Variants in TPP2 observed in about 807,000 individuals in gnomAD.
TPP2 encodes tripeptidyl peptidase 2.
In TPP2, 34 loss-of-function variants were observed where a neutral mutation model predicts 155.9. That is an observed-to-expected ratio of 0.22 (90% CI 0.17 to 0.29). The LOEUF (loss-of-function observed/expected upper bound fraction) is 0.29, where lower values mean the gene tolerates loss of function less well. TPP2 is among the 10% of genes least tolerant of loss of function. The pLI is 1.00. For missense variants in TPP2, 1,028 were observed against 1,522.3 expected, an observed-to-expected ratio of 0.68 and a Z score of 5.40; for synonymous variants, 510 against 529.4, an observed-to-expected ratio of 0.96 and a Z score of 0.50.
intron 6 of TPP2, among the ~76,000 whole-genome samples, chr13:102,623,736 A>G (rs1373060229): frequency 6.6e-6 from 1 of 152,154 alleles, no homozygotes; most frequent in Non-Finnish European, 1.5e-5. Flanking sequence ...AAAAAAATAT[A>G]TTTTTTAAAC....
chr13:102,597,745 G>A (rs188593274), intron 1 of TPP2, among the ~76,000 whole-genome samples: 132 of 152,372 alleles, frequency 8.7e-4, no homozygotes, highest in African/African-American at 3.0e-3. Flanking sequence ...GGGAGATTTG[G>A]TTTGGGGAAG....
chr13:102,603,302 T>G (rs978170712), intron 1 of TPP2, among the ~76,000 whole-genome samples: 4 of 152,208 alleles, frequency 2.6e-5, no homozygotes, highest in Non-Finnish European at 5.9e-5. Flanking sequence ...TCTATTCTAA[T>G]AGGGGGAACA....
chr13:102,646,734 C>T (rs1883129463), intron 20 of TPP2, among the ~76,000 whole-genome samples: 2 of 152,026 alleles, frequency 1.3e-5, no homozygotes, highest in African/African-American at 2.4e-5. Context: ...TTGCTTTCTG[C>T]GAAGAAGGCA....
chr13:102,670,844 A>G (rs766946160), intron 27 of TPP2, among the ~76,000 whole-genome samples: 11 of 152,210 alleles, frequency 7.2e-5, no homozygotes, highest in Non-Finnish European at 1.0e-4. Flanking sequence ...TGTATCCACG[A>G]TATTTCTAAG....
At chr13:102,623,328 C>T (rs924933498) in intron 6 of TPP2, among the ~76,000 whole-genome samples, 4 of 152,146 alleles carry the variant, frequency 2.6e-5, no homozygotes, top group Admixed American at 6.5e-5. Flanking sequence ...CCTTGGGAGG[C>T]CGAGGTGTGT....
chr13:102,601,235 A>T (rs1193592919), intron 1 of TPP2, among the ~76,000 whole-genome samples: 1 of 152,226 alleles, frequency 6.6e-6, no homozygotes, highest in African/African-American at 2.4e-5. Flanking sequence ...TTCTTAGAAT[A>T]AAAGTCACTG....
intron 13 of TPP2, 67 bp from the exon 14 acceptor site, chr13:102,637,015 G>A: frequency 6.7e-7 from 1 of 1,496,598 alleles, no homozygotes; most frequent in African/African-American, 1.4e-5. Flanking sequence ...TTGGAAAGAT[G>A]TAACATTTTT....
At position 102,604,919 on chromosome 13, in the gene TPP2, A is replaced by G. The variant is rs776843093; in HGVS notation, c.292A>G (p.Lys98Glu). The G allele has an allele frequency of 8.1e-6, 13 of 1,609,420 alleles. No individual in the cohort carries two copies. In the South Asian group the frequency reaches 1.1e-4, roughly 14 times the overall value. Residue 98 changes from lysine to glutamate, a missense_variant and splice_region_variant, in exon 2 of 30, where the codon AAG becomes GAG. Lys to Glu is a moderately conservative substitution (Grantham distance 56). Transcript: ENST00000376052. Reference protein sequence around the residue: ...EIVGLSGRVLKIPASWTNPSG... With the variant: ...EIVGLSGRVLEIPASWTNPSG... ...TGTTGGCCTTTCAGGAAGAGTGCTT[A>G]AGGTGAGACCTTTTGTCTTCTTTTT...
rs1321196784 is a variant in TPP2, at chr13:102,627,133, C to T, written c.906C>T (p.Ser302=). The T allele has an allele frequency of 2.5e-6, 4 of 1,604,894 alleles. No individual in the cohort carries two copies. Among genetic ancestry groups the T allele is most frequent in the African/African-American group, 2.7e-5 (2 of 74,518 alleles). The change falls in exon 7 of 30, where the codon AGC becomes AGT. Residue 302 remains serine (S), a synonymous_variant. Coordinates refer to ENST00000376052, the MANE Select transcript of TPP2 (RefSeq NM_001330588.2). ...LSIKIGDTRL[S]TMETGTGLIR... is the part of the protein sequence containing the mutation. ...TCAAGATTGGTGATACAAGACTAAG[C>T]ACAATGGAAACAGGCACAGGCCTCA...
intron 2 of TPP2, chr13:102,607,605 G>T: frequency 2.3e-6 from 1 of 425,892 alleles, no homozygotes; most frequent in Non-Finnish European, 4.7e-6. Flanking sequence ...TATTAATTTT[G>T]AGATGGAGTC....
intron 25 of TPP2, among the ~76,000 whole-genome samples, 169 bp from the exon 26 acceptor site, chr13:102,663,479 T>C (rs980456743): frequency 1.9e-4 from 29 of 152,240 alleles, no homozygotes; most frequent in Non-Finnish European, 3.2e-4. Context: ...TAGTTAACCA[T>C]TTATACTACT....
intron 15 of TPP2, among the ~76,000 whole-genome samples, chr13:102,639,737 C>A (rs1244783853): frequency 6.6e-6 from 1 of 152,174 alleles, no homozygotes; most frequent in Non-Finnish European, 1.5e-5. Flanking sequence ...AAATTTGTTT[C>A]CGTGGTGGGT....
At chr13:102,671,150 A>G (rs1884956779) in intron 27 of TPP2, among the ~76,000 whole-genome samples, 1 of 152,188 alleles carries the variant, frequency 6.6e-6, no homozygotes, top group South Asian at 2.1e-4. Flanking sequence ...CTGTTCTGCA[A>G]GGGGAATAGT....
At chr13:102,664,772 A>G (rs754116286) in intron 26 of TPP2, 23 bp from the exon 27 acceptor site, 10 of 1,605,840 alleles carry the variant, frequency 6.2e-6, no homozygotes, top group African/African-American at 1.3e-5. Flanking sequence ...CCTATTTTTT[A>G]TTATTTCTTT....
intron 21 of TPP2, among the ~76,000 whole-genome samples, chr13:102,648,433 TGTGTGTGTGTGTGTG>T (rs1883276483): frequency 2.6e-5 from 1 of 37,974 alleles, no homozygotes; most frequent in African/African-American, 1.6e-4. Flanking sequence ...GTTACACGTG[TGTGTGTGTGTGTGTG>T]TGTGTGTGTG....
At chr13:102,676,493 A>G (rs538313551) in intron 29 of TPP2, 78 bp downstream of exon 29, 1 of 1,532,112 alleles carries the variant, frequency 6.5e-7, no homozygotes, top group Non-Finnish European at 8.9e-7. Flanking sequence ...AAGGATTAGG[A>G]CTGTGATATA....
intron 17 of TPP2, among the ~76,000 whole-genome samples, 176 bp from the exon 18 acceptor site, chr13:102,644,381 A>G (rs1051898812): frequency 7.9e-5 from 12 of 152,228 alleles, no homozygotes; most frequent in African/African-American, 2.9e-4. Context: ...AATACACCAT[A>G]TCTCTGCAAA....
chr13:102,678,369 T>C lies in TPP2; in HGVS notation c.*53T>C. ...AAAAGGAAGTTTTATAGTGAATGGG[T>C]ATAAAAACAAATTTGTGGCATTTTT... is the stretch of plus-strand genomic sequence containing the variant. On this transcript the variant is annotated 3_prime_UTR_variant, in exon 30 of 30. Transcript: ENST00000376052. 2 of 1,515,380 alleles carry C rather than the reference T, an allele frequency of 1.3e-6. No homozygotes were observed. The highest frequency in any genetic ancestry group is 1.8e-6 in the Non-Finnish European group (2 of 1,100,486). The allele number at this position is 1,515,380 out of a possible 1,614,324, so 93.9% of individuals were successfully genotyped here.
Position 102,638,382 on chromosome 13 carries a change from G to A in TPP2, c.1913+67G>A, listed in dbSNP as rs996623004. 11 of 1,503,078 alleles carry A rather than the reference G, an allele frequency of 7.3e-6. No individual in the cohort carries two copies. The Admixed American group carries it at 1.3e-4, about 18-fold the overall frequency. The allele number at this position is 1,503,078 out of a possible 1,614,324, so 93.1% of individuals were successfully genotyped here. On this transcript the variant is annotated intron_variant, in intron 15 of 29. Coordinates refer to ENST00000376052, the MANE Select transcript of TPP2 (RefSeq NM_001330588.2). ...TTTTAATGACTATTCATGGAGTCTT[G>A]TGGACTTTTAATGATCACTAATACA...
Sources: allele counts gnomAD v4.1 joint callset (sites outside exome capture counted in the v4.1 genomes callset), GRCh38; gene constraint gnomAD v4.1.1; transcripts MANE v1.5; gene names NCBI Gene and HGNC (gene_info 2026-07-23, HGNC 2026-07-21).